Variants in LTBP1 observed in about 807,000 individuals in gnomAD.
LTBP1 encodes the protein latent transforming growth factor beta binding protein 1.
Under a neutral mutation model 207.6 loss-of-function variants are expected in LTBP1, and 129 were observed. That is an observed-to-expected ratio of 0.62 (90% CI 0.54 to 0.72). The LOEUF (loss-of-function observed/expected upper bound fraction) is 0.72. LTBP1 is among the 30% of genes least tolerant of loss of function. The pLI is 0.00. For missense variants in LTBP1, 2,281 were observed against 2,217.2 expected (o/e 1.03, Z -0.58); for synonymous variants, 963 against 833.7 (o/e 1.16, Z -2.67).
intron 3 of LTBP1, among the ~76,000 whole-genome samples, chr2:33,103,161 C>T (rs2079837617): frequency 6.6e-6 from 1 of 151,166 alleles, no homozygotes; most frequent in Non-Finnish European, 1.5e-5. Flanking sequence ...TATACACAGT[C>T]TGTATGCATA....
intron 23 of LTBP1, among the ~76,000 whole-genome samples, chr2:33,312,963 G>C (rs76645478): frequency 0.02 from 3,059 of 152,294 alleles, 44 homozygotes; most frequent in Middle Eastern, 0.11. Flanking sequence ...TCAGATAGAG[G>C]TAATTCTTGG....
chr2:33,113,535 A>T (rs928404368), intron 4 of LTBP1, among the ~76,000 whole-genome samples: 3 of 152,198 alleles, frequency 2.0e-5, no homozygotes, highest in African/African-American at 4.8e-5. Flanking sequence ...AGGGATGACT[A>T]TTTTATGGGA....
chr2:33,200,128 A>T (rs1428234450), intron 7 of LTBP1, among the ~76,000 whole-genome samples: 17 of 152,232 alleles, frequency 1.1e-4, no homozygotes, highest in South Asian at 1.0e-3. Context: ...AAAACTACTC[A>T]AAAGTTCATA....
rs541428204 is a variant in LTBP1 at position 33,283,459 on chromosome 2, C to T, written c.3112+3301C>T. 9.6e-4 allele frequency among the ~76,000 whole-genome samples: 92 copies of T among 95,614 alleles called. 1 individual carries two copies. Among genetic ancestry groups the T allele is most frequent in the Admixed American group, 1.5e-3 (9 of 5,930 alleles). The allele number at this position is 95,614 out of a possible 152,430, so 62.7% of individuals were successfully genotyped here. A position where few individuals can be genotyped will look rare whatever the true frequency, so the allele number is the denominator to read the frequency against. ...TTTTTTTTTTTTTTTTTTTTTGAGA[C>T]GGAGTCTCGCTCTTTCGCCCAGGCT... is the stretch of plus-strand genomic sequence containing the variant. On this transcript the variant is annotated intron_variant, in intron 19 of 33. Coordinates refer to ENST00000404816, the MANE Select transcript of LTBP1 (RefSeq NM_206943.4).
chr2:33,215,335 T>G (rs2090597275), intron 7 of LTBP1, among the ~76,000 whole-genome samples: 1 of 152,184 alleles, frequency 6.6e-6, no homozygotes, highest in Non-Finnish European at 1.5e-5. Context: ...TCAGAATTCA[T>G]TCTCAGGCCT....
At chr2:33,298,114 C>T (rs1468118904) in intron 20 of LTBP1, among the ~76,000 whole-genome samples, 1 of 152,168 alleles carries the variant, frequency 6.6e-6, no homozygotes, top group Non-Finnish European at 1.5e-5. Flanking sequence ...GACATTTGTC[C>T]AGCATTCCTA....
At chr2:33,263,552 G>A (rs1487016318) in intron 15 of LTBP1, among the ~76,000 whole-genome samples, 160 bp downstream of exon 15, 5 of 152,214 alleles carry the variant, frequency 3.3e-5, no homozygotes, top group Non-Finnish European at 7.3e-5. Flanking sequence ...GGAGGAGTAT[G>A]TGGAAATAAA....
rs1315515153 is a variant in LTBP1, at chr2:33,257,499, G to T, written c.2383G>T (p.Ala795Ser). 6.2e-7 allele frequency: 1 copy of T among 1,613,932 alleles called. No homozygotes were observed. Among genetic ancestry groups the T allele is most frequent in the Non-Finnish European group, 8.5e-7 (1 of 1,179,918 alleles). ...CTCCCGGGAACACGGGCCAGGAGTG[G>T]CGGAGCCAGAAGGTGAGAGCGGTAA... is the stretch of plus-strand genomic sequence containing the variant. ...TFSREHGPGV[A>S]EPEVATAPPE... is the part of the protein sequence containing the mutation. The change falls in exon 12 of 34, where the codon GCG (alanine) becomes TCG (serine). Residue 795 changes from alanine (A) to serine (S), a missense_variant. Physicochemically the swap from Ala to Ser is moderately conservative, Grantham distance 99. Coordinates refer to ENST00000404816, the MANE Select transcript of LTBP1 (RefSeq NM_206943.4).
intron 31 of LTBP1, among the ~76,000 whole-genome samples, chr2:33,376,617 A>G (rs575333133): frequency 6.6e-6 from 1 of 152,340 alleles, no homozygotes; most frequent in South Asian, 2.1e-4. Context: ...GTGTTTTTTT[A>G]TAATCAGTAT....
At chr2:33,133,920 G>C (rs2081972442) in intron 4 of LTBP1, among the ~76,000 whole-genome samples, 1 of 152,138 alleles carries the variant, frequency 6.6e-6, no homozygotes, top group African/African-American at 2.4e-5. Context: ...TTAGTCTAGG[G>C]CTTATTTTGT....
chr2:33,130,434 T>G (rs1162838751), intron 4 of LTBP1, among the ~76,000 whole-genome samples: 2 of 152,240 alleles, frequency 1.3e-5, no homozygotes, highest in African/African-American at 4.8e-5. Flanking sequence ...TTGAACTTGT[T>G]ACATTTATTT....
chr2:33,055,328 G>A (rs1157524726), intron 3 of LTBP1, among the ~76,000 whole-genome samples: 1 of 152,190 alleles, frequency 6.6e-6, no homozygotes, highest in East Asian at 1.9e-4. Flanking sequence ...ATAGCCACTC[G>A]AGGAAGGCAG....
At position 33,222,166 on chromosome 2, in the gene LTBP1, A is replaced by G; in HGVS notation, c.1876+15A>G. 6.3e-7 allele frequency: 1 copy of G among 1,578,924 alleles called. No individual in the cohort carries two copies. The highest frequency in any genetic ancestry group is 8.7e-7 in the Non-Finnish European group (1 of 1,147,446). ...CTTTTGCCAAGGTAAGACTAACTGA[A>G]TTCATTGATGTGGACTCAACAGTTG... On this transcript the variant is annotated intron_variant, in intron 9 of 33. Coordinates refer to ENST00000404816, the MANE Select transcript of LTBP1 (RefSeq NM_206943.4).
At chr2:33,093,475 C>CT (rs200017698) in intron 3 of LTBP1, among the ~76,000 whole-genome samples, 17 of 150,690 alleles carry the variant, frequency 1.1e-4, no homozygotes, top group African/African-American at 3.9e-4. Flanking sequence ...GTTTTTTTTT[C>CT]TTTTTTTTGG....
In LTBP1 at chr2:33,342,899, T is replaced by C. The variant is rs1209580151; in HGVS notation, c.3792T>C (p.Ala1264=). 5 of 1,614,146 alleles carry C rather than the reference T, an allele frequency of 3.1e-6. No homozygotes were observed. Among genetic ancestry groups the C allele is most frequent in the Non-Finnish European group, 4.2e-6 (5 of 1,179,960 alleles). Reference sequence around the variant, plus strand: ...GTCACGGGTTTTGTGACAATACAGCTGGCTCCTTCCGCTGCCTCTGTTATC... The same window carrying C: ...GTCACGGGTTTTGTGACAATACAGCCGGCTCCTTCCGCTGCCTCTGTTATC... ...CDSHGFCDNT[A]GSFRCLCYQG... Residue 1264 remains alanine, a synonymous_variant, in exon 25 of 34, where the codon GCT becomes GCC. Coordinates refer to ENST00000404816, the MANE Select transcript of LTBP1 (RefSeq NM_206943.4).
At chr2:33,378,229 T>A (rs1252483430) in intron 31 of LTBP1, among the ~76,000 whole-genome samples, 1 of 137,914 alleles carries the variant, frequency 7.3e-6, no homozygotes, top group East Asian at 2.0e-4. Context: ...GTGTTTTGTT[T>A]GTTTGTTTGT....
At chr2:33,286,799 G>A (rs983080532) in intron 19 of LTBP1, among the ~76,000 whole-genome samples, 3 of 152,178 alleles carry the variant, frequency 2.0e-5, no homozygotes, top group Admixed American at 6.5e-5. Flanking sequence ...GATGAAGCTG[G>A]AAACCATCAT....
chr2:33,264,634 T>G lies in LTBP1; in HGVS notation c.2617+1242T>G, dbSNP rs559015265. Reference sequence around the variant, plus strand: ...TACCAAGAAGCATGTAACAGAAAATTTCGACTTTCCTGGTAATCAAAGAAA... The same window carrying G: ...TACCAAGAAGCATGTAACAGAAAATGTCGACTTTCCTGGTAATCAAAGAAA... On this transcript the variant is annotated intron_variant, in intron 15 of 33. Coordinates refer to ENST00000404816, the MANE Select transcript of LTBP1 (RefSeq NM_206943.4). Among the ~76,000 whole-genome samples the G allele has an allele frequency of 2.2e-4, 33 of 152,276 alleles. No individual in the cohort carries two copies. The South Asian group carries it at 4.6e-3, about 21-fold the overall frequency.
At chr2:33,142,043 G>T (rs2082676678) in intron 5 of LTBP1, among the ~76,000 whole-genome samples, 1 of 151,966 alleles carries the variant, frequency 6.6e-6, no homozygotes, top group Non-Finnish European at 1.5e-5. Flanking sequence ...AGAAAGTAGT[G>T]TCACCTTTCT....
Sources: gnomAD v4.1 joint callset for allele counts (sites outside exome capture counted in the v4.1 genomes callset) on GRCh38, gnomAD v4.1.1 for gene constraint, MANE v1.5 for transcripts, NCBI Gene and HGNC (gene_info 2026-07-23, HGNC 2026-07-21) for gene names.